KDM1A: variants seen among roughly 807,000 people sequenced by gnomAD.
KDM1A encodes the protein lysine demethylase 1A, also known as lysine-specific histone demethylase 1A.
In KDM1A, 49 loss-of-function variants were observed where a neutral mutation model predicts 109.4. The observed-to-expected ratio is 0.45, with a 90% CI of 0.36 to 0.57. The LOEUF is 0.57. Among genes scored for constraint, KDM1A ranks in the 20% least tolerant of loss-of-function variants. The probability of loss-of-function intolerance (pLI) is 0.00; values close to 1 mark genes in which losing one functional copy is unlikely to be tolerated. For missense variants in KDM1A, 668 were observed against 1,116.6 expected, an observed-to-expected ratio of 0.60 and a Z score of 5.73; for synonymous variants, 380 against 415.4, an observed-to-expected ratio of 0.91 and a Z score of 1.04.
chr1:23,081,963 A>G, intron 19 of KDM1A: 1 of 453,004 alleles, frequency 2.2e-6, no homozygotes, highest in South Asian at 3.9e-5. Flanking sequence ...AATTTATAAA[A>G]GAGAATAAAG....
intron 4 of KDM1A, among the ~76,000 whole-genome samples, chr1:23,052,220 A>C (rs903187594): frequency 6.6e-6 from 1 of 152,216 alleles, no homozygotes; most frequent in Non-Finnish European, 1.5e-5. Context: ...ATGTAAATCA[A>C]CCTCTACTGC....
intron 3 of KDM1A, 64 bp from the exon 4 acceptor site, chr1:23,050,323 G>A (rs546151858): frequency 6.9e-5 from 103 of 1,484,432 alleles, no homozygotes; most frequent in Middle Eastern, 1.8e-4. Flanking sequence ...GAATTTAAGC[G>A]TCATCACTAC....
At chr1:23,044,952 G>A (rs1392930241) in intron 3 of KDM1A, among the ~76,000 whole-genome samples, 1 of 152,138 alleles carries the variant, frequency 6.6e-6, no homozygotes, top group Non-Finnish European at 1.5e-5. Flanking sequence ...TTGTTACAGG[G>A]TATTGGGTAC....
intron 2 of KDM1A, among the ~76,000 whole-genome samples, chr1:23,033,274 C>A (rs1642043646): frequency 6.6e-6 from 1 of 152,142 alleles, no homozygotes; most frequent in Non-Finnish European, 1.5e-5. Context: ...TGGCTCCCAG[C>A]ACTTTGAGAG....
intron 15 of KDM1A, among the ~76,000 whole-genome samples, chr1:23,074,796 T>C (rs957948516): frequency 5.3e-5 from 8 of 152,232 alleles, no homozygotes; most frequent in Non-Finnish European, 1.0e-4. Context: ...ATTCCAGCAC[T>C]ATCCTTTTCT....
At chr1:23,026,824 T>C (rs1365411945) in intron 1 of KDM1A, among the ~76,000 whole-genome samples, 1 of 152,196 alleles carries the variant, frequency 6.6e-6, no homozygotes, top group Non-Finnish European at 1.5e-5. Context: ...ATAATTACCC[T>C]ACTCACTCAT....
rs554264996 is a variant in KDM1A, at chr1:23,027,508, C to G, written c.352-2961C>G. ...CAGCTCACTGTAGCCTTGACCCCCC[C>G]CCGCCCCCACCAGGTTCAAGTGATC... On this transcript the variant is annotated intron_variant, in intron 1 of 20. Transcript: ENST00000400181. Among the ~76,000 whole-genome samples the G allele has an allele frequency of 5.5e-5, 8 of 145,674 alleles. No homozygotes were observed. In the South Asian group the frequency reaches 9.2e-4, roughly 17 times the overall value.
At chr1:23,039,452 C>G (rs775826196) in intron 2 of KDM1A, among the ~76,000 whole-genome samples, 3 of 152,170 alleles carry the variant, frequency 2.0e-5, no homozygotes, top group African/African-American at 7.2e-5. Context: ...TAATCCATCT[C>G]GTACAAAGTG....
At chr1:23,037,190 G>A (rs1642173471) in intron 2 of KDM1A, among the ~76,000 whole-genome samples, 1 of 151,350 alleles carries the variant, frequency 6.6e-6, no homozygotes, top group Non-Finnish European at 1.5e-5. Flanking sequence ...TGTAATCTCA[G>A]CTACTCAGGA....
intron 2 of KDM1A, among the ~76,000 whole-genome samples, chr1:23,036,444 G>GCCCCCCCCCCCCCCCC (rs5773033): frequency 5.8e-5 from 7 of 121,592 alleles, no homozygotes; most frequent in Non-Finnish European, 6.8e-5. Flanking sequence ...TTCTTGCCAC[G>GCCCCCCCCCCCCCCCC]CCCCCCCCCT....
chr1:23,051,321 T>C (rs906287842), intron 4 of KDM1A, among the ~76,000 whole-genome samples: 9 of 152,226 alleles, frequency 5.9e-5, no homozygotes, highest in African/African-American at 1.9e-4. Flanking sequence ...GACAGTCTTA[T>C]GCATTCTTGA....
At chr1:23,072,041 CA>C (rs1643335992) in intron 13 of KDM1A, 82 bp from the exon 14 acceptor site, 1 of 823,794 alleles carries the variant, frequency 1.2e-6, no homozygotes, top group African/African-American at 1.7e-5. Flanking sequence ...AAATATGATC[CA>C]GACCTTATAC....
chr1:23,019,907 C>A lies in KDM1A; in HGVS notation c.311C>A (p.Thr104Asn). The change falls in exon 1 of 21, where the codon ACT becomes AAT. Residue 104 changes from threonine to asparagine, a missense_variant. Around this residue, in one of 8 missense-constraint regions of KDM1A, gnomAD observed 156 missense variants for 163.4 expected, o/e 0.95. Transcript: ENST00000400181. ...CCCATGGAAACTGGAATAGCAGAGA[C>A]TCCGGAGGGGCGTCGGACCAGCCGG... ...ATPMETGIAE[T>N]PEGRRTSRRK... The A allele has an allele frequency of 6.4e-7, 1 of 1,573,886 alleles. No homozygotes were observed. The highest frequency in any genetic ancestry group is 1.1e-5 in the South Asian group (1 of 87,638).
At chr1:23,059,253 A>C (rs531945428) in intron 9 of KDM1A, 86 bp downstream of exon 9, 62 of 845,854 alleles carry the variant, frequency 7.3e-5, no homozygotes, top group South Asian at 4.4e-4. Flanking sequence ...GAGCATATAC[A>C]TATATACACA....
At chr1:23,055,040 A>G in intron 5 of KDM1A, 29 bp from the exon 6 acceptor site, 1 of 1,383,716 alleles carries the variant, frequency 7.2e-7, no homozygotes, top group Non-Finnish European at 1.0e-6. Flanking sequence ...TGAAAATAAA[A>G]CCGTGTTTTT....
chr1:23,060,921 C>T (rs1168737330), intron 9 of KDM1A, among the ~76,000 whole-genome samples: 3 of 152,104 alleles, frequency 2.0e-5, no homozygotes, highest in African/African-American at 4.8e-5. Flanking sequence ...TGGCTATTAC[C>T]GTCCTCAAGA....
chr1:23,029,756 C>T (rs1167795663), intron 1 of KDM1A, among the ~76,000 whole-genome samples: 1 of 152,236 alleles, frequency 6.6e-6, no homozygotes, highest in African/African-American at 2.4e-5. Flanking sequence ...TCTCCTGCCT[C>T]AGCCTCCCGA....
rs1313807206 is a variant in KDM1A, at chr1:23,025,281, T to C, written c.352-5188T>C. Among the ~76,000 whole-genome samples the C allele has an allele frequency of 2.0e-5, 3 of 152,170 alleles. No homozygotes were observed. In the East Asian group the frequency reaches 5.8e-4, roughly 29 times the overall value. On this transcript the variant is annotated intron_variant, in intron 1 of 20. Coordinates refer to ENST00000400181, the MANE Select transcript of KDM1A (RefSeq NM_001009999.3). ...TCTATCAGACAGCCTTGAACTAGAT[T>C]ATGAAGTGCAGACCATAAGTGCTGT...
At chr1:23,051,413 G>A (rs1164201530) in intron 4 of KDM1A, among the ~76,000 whole-genome samples, 1 of 152,142 alleles carries the variant, frequency 6.6e-6, no homozygotes, top group African/African-American at 2.4e-5. Context: ...TAAATGTTTT[G>A]GACATATTGC....
Sources: gnomAD v4.1 joint callset for allele counts (sites outside exome capture counted in the v4.1 genomes callset) on GRCh38, gnomAD v4.1.1 for gene constraint, gnomAD v4.1.1 regional missense constraint, MANE v1.5 for transcripts, NCBI Gene and HGNC (gene_info 2026-07-23, HGNC 2026-07-21) for gene names.